The following IL2RB variants were observed in gnomAD, a reference collection of about 807,000 sequenced individuals.
IL2RB encodes the protein interleukin 2 receptor subunit beta, also known as interleukin-2 receptor subunit beta.
Under a neutral mutation model 44.2 loss-of-function variants are expected in IL2RB, and 17 were observed. That is an observed-to-expected ratio of 0.38 (90% CI 0.26 to 0.58). The LOEUF is 0.58. IL2RB is among the 20% of genes least tolerant of loss of function. The pLI is 0.63. For missense variants in IL2RB, 624 were observed against 685.5 expected (o/e 0.91, Z 1.00); for synonymous variants, 286 against 297.9 (o/e 0.96, Z 0.41).
intron 9 of IL2RB, among the ~76,000 whole-genome samples, chr22:37,130,004 A>C (rs1921343054): frequency 6.6e-6 from 1 of 152,152 alleles, no homozygotes; most frequent in African/African-American, 2.4e-5. Flanking sequence ...AGAGTCCCTG[A>C]GGCTGAGCCA....
chr22:37,142,496 A>G lies in IL2RB; in HGVS notation c.220T>C (p.Cys74Arg). Residue 74 changes from cysteine (C) to arginine (R), a missense_variant, in exon 4 of 10, where the codon TGT (cysteine) becomes CGT (arginine). Physicochemically the swap from Cys to Arg is radical, Grantham distance 180. This residue lies in a region of IL2RB where 255 missense variants were observed against 339.9 expected (regional missense o/e 0.75). Coordinates refer to ENST00000216223, the MANE Select transcript of IL2RB (RefSeq NM_000878.5). ...GCTTGACTCACGGGGAGCAGCTCAC[A>G]GGTTTGGTTCCACCGCCTTTCATGG... is the stretch of plus-strand genomic sequence containing the variant. ...WPDRRRWNQT[C>R]ELLPVSQASW... is the part of the protein sequence containing the mutation. The G allele has an allele frequency of 6.2e-7, 1 of 1,614,138 alleles. No individual in the cohort carries two copies. The highest frequency in any genetic ancestry group is 8.5e-7 in the Non-Finnish European group (1 of 1,179,994).
intron 1 of IL2RB, among the ~76,000 whole-genome samples, chr22:37,165,861 A>G (rs1439951699): frequency 1.3e-5 from 2 of 151,960 alleles, no homozygotes; most frequent in Middle Eastern, 3.2e-3. Context: ...CCTGAATCCA[A>G]CCGTCCACAA....
At chr22:37,137,093 C>G (rs1306374059) in intron 6 of IL2RB, among the ~76,000 whole-genome samples, 3 of 152,246 alleles carry the variant, frequency 2.0e-5, no homozygotes, top group Admixed American at 2.0e-4. Flanking sequence ...TGCCCTGCCC[C>G]AGTCTGAGAT....
At chr22:37,152,853 G>A (rs1433247223), upstream of IL2RB, among the ~76,000 whole-genome samples, 1 of 151,240 alleles carries the variant, frequency 6.6e-6, no homozygotes, top group African/African-American at 2.4e-5. Flanking sequence ...CATCCTCAGA[G>A]CCCAGAAGCA....
chr22:37,165,718 G>T, intron 1 of IL2RB, among the ~76,000 whole-genome samples: 1 of 134,128 alleles, frequency 7.5e-6, no homozygotes, highest in African/African-American at 2.9e-5. Context: ...TTTTATTATT[G>T]TTTGTGGGGT....
chr22:37,149,997 G>A, upstream of IL2RB: 1 of 776,256 alleles, frequency 1.3e-6, no homozygotes, highest in Non-Finnish European at 1.6e-6. Context: ...GCCTGGGGTG[G>A]AGAGGCGGGG....
upstream of IL2RB, chr22:37,150,071 C>T (rs1277505898): frequency 6.2e-6 from 1 of 162,254 alleles, no homozygotes; most frequent in East Asian, 2.0e-4. Context: ...AGATCTGCCT[C>T]CTACGCTGGG....
At chr22:37,164,673 A>G (rs1601613551) in intron 1 of IL2RB, among the ~76,000 whole-genome samples, 1 of 152,004 alleles carries the variant, frequency 6.6e-6, no homozygotes, top group East Asian at 1.9e-4. Flanking sequence ...CAGAATGCAG[A>G]CCACCAAGGA....
intron 6 of IL2RB, 117 bp from the exon 7 acceptor site, chr22:37,136,510 C>A: frequency 8.8e-7 from 1 of 1,133,588 alleles, no homozygotes; most frequent in African/African-American, 1.5e-5. Context: ...TTCCTTGCCA[C>A]CCAAAGCTCC....
chr22:37,172,215 T>TTAAA (rs745509972), intron 1 of IL2RB, among the ~76,000 whole-genome samples: 1 of 104,512 alleles, frequency 9.6e-6, no homozygotes, highest in African/African-American at 3.3e-5. Flanking sequence ...AAAGGTAAAG[T>TTAAA]AAAAAAAAAA....
At chr22:37,174,178 C>A (rs1923377011) in intron 1 of IL2RB, among the ~76,000 whole-genome samples, 1 of 152,194 alleles carries the variant, frequency 6.6e-6, no homozygotes, top group Non-Finnish European at 1.5e-5. Context: ...ACAGAAGAAT[C>A]TCTGATTCTC....
upstream of IL2RB, among the ~76,000 whole-genome samples, chr22:37,151,201 G>A (rs374662193): frequency 3.1e-4 from 47 of 152,254 alleles, no homozygotes; most frequent in African/African-American, 1.0e-3. Context: ...AACAGTGTAC[G>A]AGAGTTCCCT....
intron 6 of IL2RB, 72 bp from the exon 7 acceptor site, chr22:37,136,465 A>ATC (rs1601598362): frequency 7.4e-7 from 1 of 1,355,464 alleles, no homozygotes; most frequent in Non-Finnish European, 9.9e-7. Flanking sequence ...AGCATCACAG[A>ATC]ACCCCCCCCC....
intron 1 of IL2RB, among the ~76,000 whole-genome samples, chr22:37,164,313 G>T (rs2145738977): frequency 6.6e-6 from 1 of 152,272 alleles, no homozygotes; most frequent in South Asian, 2.1e-4. Context: ...GGGGTCAGAG[G>T]AGGGGAGCAG....
In IL2RB at chr22:37,128,228, T is replaced by G. The variant is rs2146223170; in HGVS notation, c.1524A>C (p.Gly508=). Reference sequence around the variant, plus strand: ...GAGGCCTGGACCAGGGGAAACTGACTCCCTCCCTGGGGCCAGCGTCAGGGA... The same window carrying G: ...GAGGCCTGGACCAGGGGAAACTGACGCCCTCCCTGGGGCCAGCGTCAGGGA... ...EEVPDAGPRE[G]VSFPWSRPPG... is the part of the protein sequence containing the mutation. The change falls in exon 10 of 10, where the codon GGA becomes GGC. Residue 508 remains glycine (G), a synonymous_variant. Transcript: ENST00000216223. This position sits in a 1 kb window ranked among gnomAD's most constrained non-coding sequence, Gnocchi z 4.5. 6.6e-7 allele frequency: 1 copy of G among 1,508,996 alleles called. No homozygotes were observed. The highest frequency in any genetic ancestry group is 8.8e-7 in the Non-Finnish European group (1 of 1,130,372). The allele number at this position is 1,508,996 out of a possible 1,614,324, so 93.5% of individuals were successfully genotyped here. A position where few individuals can be genotyped will look rare whatever the true frequency, so the allele number is the denominator to read the frequency against.
At chr22:37,158,365 T>C (rs1021962557) in intron 1 of IL2RB, among the ~76,000 whole-genome samples, 3 of 151,874 alleles carry the variant, frequency 2.0e-5, no homozygotes, top group African/African-American at 7.3e-5. Flanking sequence ...CTGGCCAACA[T>C]GGCAAAACCA....
intron 3 of IL2RB, among the ~76,000 whole-genome samples, chr22:37,143,310 CA>C: frequency 6.6e-6 from 1 of 152,286 alleles, no homozygotes; most frequent in East Asian, 1.9e-4. Flanking sequence ...GGACTCCACC[CA>C]GGTTCTAGAA....
In IL2RB at chr22:37,132,423, G is replaced by A; in HGVS notation, c.864C>T (p.Phe288=). ...CATGCTCTGAGCTCAGCTGGGAAAAGAACTTCGAGGGGTCTGGGGTGTTAC... is the reference window on the plus strand; with the variant it reads ...CATGCTCTGAGCTCAGCTGGGAAAAAAACTTCGAGGGGTCTGGGGTGTTAC... ...LKCNTPDPSK[F]FSQLSSEHGG... The change falls in exon 9 of 10, where the codon TTC becomes TTT. Residue 288 remains phenylalanine, a synonymous_variant. Transcript: ENST00000216223. 1 of 1,614,142 alleles carries A rather than the reference G, an allele frequency of 6.2e-7. No individual in the cohort carries two copies. The highest frequency in any genetic ancestry group is 1.3e-5 in the African/African-American group (1 of 75,040).
upstream of IL2RB, among the ~76,000 whole-genome samples, chr22:37,150,428 T>A (rs868223822): frequency 9.2e-5 from 14 of 152,304 alleles, no homozygotes; most frequent in Middle Eastern, 3.4e-3. Flanking sequence ...CAGAGATGAC[T>A]GTTTTTTTTA....
Sources: allele counts gnomAD v4.1 joint callset (sites outside exome capture counted in the v4.1 genomes callset), GRCh38; gene constraint gnomAD v4.1.1; regional missense constraint gnomAD v4.1.1; non-coding constraint Gnocchi (gnomAD v3.1); transcripts MANE v1.5; gene names NCBI Gene and HGNC (gene_info 2026-07-23, HGNC 2026-07-21).